Variants in TRPM2 observed in about 807,000 individuals in gnomAD.
The protein encoded by TRPM2 is transient receptor potential cation channel subfamily M member 2, also known as estrogen-responsive element-associated gene 1 protein.
Under a neutral mutation model 174.0 loss-of-function variants are expected in TRPM2, and 161 were observed. The observed-to-expected ratio is 0.93, with a 90% CI of 0.81 to 1.05. The LOEUF is 1.05. TRPM2 is among the 50% of genes least tolerant of loss of function. TRPM2 has a pLI of 0.00. For missense variants in TRPM2, 2,057 were observed against 2,038.0 expected, an observed-to-expected ratio of 1.01 and a Z score of -0.18; for synonymous variants, 954 against 861.3, an observed-to-expected ratio of 1.11 and a Z score of -1.88.
At position 44,400,341 on chromosome 21, in the gene TRPM2, C is replaced by T. The variant is rs940885365; in HGVS notation, c.2291C>T (p.Pro764Leu). The T allele has an allele frequency of 1.1e-5, 17 of 1,612,396 alleles. No individual in the cohort carries two copies. The highest frequency in any genetic ancestry group is 1.6e-4 in the Middle Eastern group (1 of 6,084). Residue 764 changes from proline to leucine, a missense_variant, in exon 15 of 32, where the codon CCG (proline) becomes CTG (leucine). Pro to Leu is a moderately conservative substitution (Grantham distance 98). Transcript: ENST00000397928. ...WRVTLCMLAF[P>L]LLLTGLISFR... The stretch of plus-strand genomic sequence containing the variant: ...GTGACCCTGTGCATGCTGGCCTTCC[C>T]GCTGCTCCTCACCGGCCTCATCTCC...
intron 26 of TRPM2, 29 bp downstream of exon 26, chr21:44,426,765 A>G: frequency 6.2e-7 from 1 of 1,612,552 alleles, no homozygotes; most frequent in Non-Finnish European, 8.5e-7. Context: ...CCGTGCTCCC[A>G]GCTGGCCCCA....
Position 44,413,944 on chromosome 21 carries a change from C to G in TRPM2, c.3016C>G (p.Pro1006Ala), listed in dbSNP as rs1252573891. The G allele has an allele frequency of 2.5e-6, 4 of 1,614,016 alleles. No individual in the cohort carries two copies. Among genetic ancestry groups the G allele is most frequent in the Non-Finnish European group, 3.4e-6 (4 of 1,180,004 alleles). ...CCCCAATGGCACCGACCCCTACAAG[C>G]CTAAGTGCCCCGAGAGCGACGCGAC... ...CSPNGTDPYKPKCPESDATQQ... is the reference protein window; with the variant it reads ...CSPNGTDPYKAKCPESDATQQ... Residue 1006 changes from proline (P) to alanine (A), a missense_variant, in exon 20 of 32, where the codon CCT becomes GCT. Pro to Ala is a conservative substitution (Grantham distance 27). Transcript: ENST00000397928.
upstream of TRPM2, among the ~76,000 whole-genome samples, chr21:44,352,550 G>A (rs1452998290): frequency 6.6e-6 from 1 of 152,220 alleles, no homozygotes; most frequent in Non-Finnish European, 1.5e-5. Flanking sequence ...TTCAGGGCAG[G>A]GATGAGGGGG....
chr21:44,428,703 TGAGA>T (rs1213658828), intron 27 of TRPM2, among the ~76,000 whole-genome samples: 2,643 of 30,926 alleles, frequency 0.085, 111 homozygotes, highest in Non-Finnish European at 0.18. Flanking sequence ...GCTCCTCCCC[TGAGA>T]TGTGGCTCCT....
In TRPM2 at chr21:44,427,125, CT is replaced by C. The variant is rs2050825207; in HGVS notation, c.3974+15del. On this transcript the variant is annotated intron_variant, in intron 27 of 31. Coordinates refer to ENST00000397928, the MANE Select transcript of TRPM2 (RefSeq NM_003307.4). ...CGGGTTGCCCCTGTGAGTGTGCCCC[CT>C]GCGGGCCCCGCCCCGTCAGCCTTTG... 1 of 1,564,644 alleles carries C rather than the reference CT, an allele frequency of 6.4e-7. No individual in the cohort carries two copies. The highest frequency in any genetic ancestry group is 1.4e-5 in the African/African-American group (1 of 74,042).
chr21:44,378,273 C>A (rs1265472321), intron 7 of TRPM2, among the ~76,000 whole-genome samples: 1 of 152,216 alleles, frequency 6.6e-6, no homozygotes, highest in Admixed American at 6.5e-5. Flanking sequence ...TGCTTTGTGG[C>A]GTGCAGGGTG....
chr21:44,403,202 C>A (rs557472277), intron 16 of TRPM2, among the ~76,000 whole-genome samples: 62 of 152,322 alleles, frequency 4.1e-4, no homozygotes, highest in African/African-American at 1.5e-3. Flanking sequence ...ACTTCCTTCT[C>A]CCTGCATCTG....
chr21:44,405,977 C>T lies in TRPM2; in HGVS notation c.2730C>T (p.Leu910=), dbSNP rs199676822. ...SLDFILFCLR[L]MHIFTISKTL... ...ACTTCATCCTGTTCTGCCTCCGGCT[C>T]ATGCACATTTTTACCATCAGTAAGA... Residue 910 remains leucine (L), a synonymous_variant, in exon 18 of 32, where the codon CTC becomes CTT. Transcript: ENST00000397928. 20 of 1,608,980 alleles carry T rather than the reference C, an allele frequency of 1.2e-5. No individual in the cohort carries two copies. Among genetic ancestry groups the T allele is most frequent in the Middle Eastern group, 3.3e-4 (2 of 6,056 alleles).
intron 9 of TRPM2, among the ~76,000 whole-genome samples, chr21:44,386,170 G>A (rs1198291565): frequency 6.6e-6 from 1 of 152,156 alleles, no homozygotes; most frequent in Non-Finnish European, 1.5e-5. Context: ...CGGATCACGA[G>A]GTCAGGAGAT....
At position 44,391,286 on chromosome 21, in the gene TRPM2, C is replaced by A; in HGVS notation, c.1455C>A (p.His485Gln). ...CTTGCTCTCAGCCTTCAGATCTGCA[C>A]CCCACGATGACAGCTGCACTCATCT... ...DEWQWKPSDL[H>Q]PTMTAALISN... The change falls in exon 11 of 32, where the codon CAC (histidine) becomes CAA (glutamine). Residue 485 changes from histidine to glutamine, a missense_variant. Physicochemically the swap from His to Gln is conservative, Grantham distance 24. Transcript: ENST00000397928. This position sits in a 1 kb window ranked among gnomAD's most constrained non-coding sequence, Gnocchi z 5.0. The A allele has an allele frequency of 6.2e-7, 1 of 1,613,576 alleles. No homozygotes were observed. Among genetic ancestry groups the A allele is most frequent in the Non-Finnish European group, 8.5e-7 (1 of 1,179,722 alleles).
At chr21:44,389,534 T>A (rs1218897809) in intron 9 of TRPM2, among the ~76,000 whole-genome samples, 1 of 152,234 alleles carries the variant, frequency 6.6e-6, no homozygotes, top group African/African-American at 2.4e-5. Flanking sequence ...AGCGTTACCC[T>A]ACATCCTTGT....
Position 44,399,561 on chromosome 21 carries a change from C to T in TRPM2, c.2208+120C>T, listed in dbSNP as rs1014298632. The T allele has an allele frequency of 5.6e-5, 76 of 1,366,800 alleles. No individual in the cohort carries two copies. The Middle Eastern group carries it at 1.1e-3, about 19-fold the overall frequency. 84.7% of individuals were successfully genotyped at this position (1,366,800 alleles called of 1,614,324 possible). A position where few individuals can be genotyped will look rare whatever the true frequency, so the allele number is the denominator to read the frequency against. On this transcript the variant is annotated intron_variant, in intron 14 of 31. Transcript: ENST00000397928. The surrounding 1 kb of genome is among the most constrained non-coding windows in gnomAD (Gnocchi z 4.6). ...ACAGGCTTCAGGGCCCTCAGCAGCT[C>T]GGGGACAGCGCCTGACCCCTCGGCC...
chr21:44,423,436 C>T (rs1026951222), intron 22 of TRPM2: 16 of 550,566 alleles, frequency 2.9e-5, no homozygotes, highest in African/African-American at 1.1e-4. Context: ...CTCGGCTGTC[C>T]GTCTGCTGAG....
chr21:44,410,178 G>A (rs8127837), intron 19 of TRPM2, among the ~76,000 whole-genome samples: 23,201 of 53,426 alleles, frequency 0.43, 7,355 homozygotes, highest in Middle Eastern at 0.57. Context: ...AGTTTTGATC[G>A]CGCTGTCTTG....
chr21:44,382,610 G>C (rs1012302991), intron 8 of TRPM2, 108 bp from the exon 9 acceptor site: 2 of 1,025,706 alleles, frequency 1.9e-6, no homozygotes, highest in Non-Finnish European at 2.9e-6. Flanking sequence ...ACAAGCGCAG[G>C]CAGGACCCAA....
chr21:44,405,931 G>A lies in TRPM2; in HGVS notation c.2684G>A (p.Gly895Glu), dbSNP rs771983337. 1 of 1,606,128 alleles carries A rather than the reference G, an allele frequency of 6.2e-7. No homozygotes were observed. The highest frequency in any genetic ancestry group is 2.2e-5 in the East Asian group (1 of 44,864). The change falls in exon 18 of 32, where the codon GGG (glycine) becomes GAG (glutamate). Residue 895 changes from glycine (G) to glutamate (E), a missense_variant. By Grantham distance (98) the Gly-to-Glu change is moderately conservative (BLOSUM62 -2). Coordinates refer to ENST00000397928, the MANE Select transcript of TRPM2 (RefSeq NM_003307.4). ...CTCATCCCGGCGACGCTGTACCCCG[G>A]GCGCGTCATCCTCTCTCTGGACTTC... ...CRLIPATLYP[G>E]RVILSLDFIL...
chr21:44,352,228 T>C (rs1256559807), upstream of TRPM2, among the ~76,000 whole-genome samples: 1 of 152,206 alleles, frequency 6.6e-6, no homozygotes, highest in Non-Finnish European at 1.5e-5. Flanking sequence ...CGGCACAACA[T>C]CTGCTCTGAG....
In TRPM2 at chr21:44,399,372, GA is replaced by G. The variant is rs1569064270; in HGVS notation, c.2141del (p.Lys714ArgfsTer14). 6.2e-7 allele frequency: 1 copy of G among 1,612,760 alleles called. No individual in the cohort carries two copies. Among genetic ancestry groups the G allele is most frequent in the Non-Finnish European group, 8.5e-7 (1 of 1,179,866 alleles). On this transcript the variant is annotated frameshift_variant, in exon 14 of 32. Transcript: ENST00000397928. LOFTEE classifies it high-confidence loss of function. This position sits in a 1 kb window ranked among gnomAD's most constrained non-coding sequence, Gnocchi z 4.6. ...LLTRVSEAWG[K>X]TTCLQLALEA... is the part of the protein sequence containing the mutation. Reference sequence around the variant, plus strand: ...TCACCCGCGTGTCCGAGGCCTGGGGGAAGACCACCTGCCTGCAGCTCGCCCT... The same window carrying G: ...TCACCCGCGTGTCCGAGGCCTGGGGGAGACCACCTGCCTGCAGCTCGCCCT...
In TRPM2 at chr21:44,369,334, C is replaced by G. The variant is rs1407960862; in HGVS notation, c.762C>G (p.Ile254Met). ...WGTVHRREGL[I>M]HPTGSFPAEY... is the part of the protein sequence containing the mutation. Reference sequence around the variant, plus strand: ...CTGTCCACCGCCGCGAGGGCCTGATCCATCCCACGGTGAGTGCGGCCCCCT... The same window carrying G: ...CTGTCCACCGCCGCGAGGGCCTGATGCATCCCACGGTGAGTGCGGCCCCCT... The change falls in exon 5 of 32, where the codon ATC becomes ATG. Residue 254 changes from isoleucine (I) to methionine (M), a missense_variant. Physicochemically the swap from Ile to Met is conservative, Grantham distance 10. Coordinates refer to ENST00000397928, the MANE Select transcript of TRPM2 (RefSeq NM_003307.4). 6.2e-7 allele frequency: 1 copy of G among 1,611,594 alleles called. No individual in the cohort carries two copies. Among genetic ancestry groups the G allele is most frequent in the Admixed American group, 1.7e-5 (1 of 59,858 alleles).
Sources: gnomAD v4.1 joint callset for allele counts (sites outside exome capture counted in the v4.1 genomes callset) on GRCh38, gnomAD v4.1.1 for gene constraint, Gnocchi (gnomAD v3.1) non-coding constraint, MANE v1.5 for transcripts, NCBI Gene and HGNC (gene_info 2026-07-23, HGNC 2026-07-21) for gene names.